The following GALNT13 variants were observed in gnomAD, a reference collection of about 807,000 sequenced individuals.
GALNT13 encodes the protein UDP-GalNAc:polypeptide N-acetylgalactosaminyltransferase 13.
GALNT13 carries 28 observed loss-of-function variants against 64.2 expected under a neutral mutation model. The ratio of observed to expected loss-of-function variants is 0.44; its 90% CI spans 0.32 to 0.60. GALNT13 has a LOEUF of 0.60. GALNT13 is among the 20% of genes least tolerant of loss of function. The pLI, the probability that GALNT13 is intolerant of heterozygous loss-of-function variation, is 0.05. For synonymous variants in GALNT13, 214 were observed against 224.6 expected, an observed-to-expected ratio of 0.95 and a Z score of 0.42; for missense variants, 577 against 669.8, an observed-to-expected ratio of 0.86 and a Z score of 1.53.
chr2:154,191,663 T>TC (rs899020445), intron 4 of GALNT13, among the ~76,000 whole-genome samples: 1 of 152,110 alleles, frequency 6.6e-6, no homozygotes, highest in Non-Finnish European at 1.5e-5. Context: ...AGTTCCCTTA[T>TC]CCCCCTCACA....
rs78165164 is a variant in GALNT13 at position 153,894,124 on chromosome 2, G to A, written c.-176-6812G>A. On this transcript the variant is annotated intron_variant, in intron 1 of 12. Transcript: ENST00000392825. ...GGAGCTGTCATTGAACACTCTTCAC[G>A]TTGGCTGGTGACTGCTTGGAACAAT... Among the ~76,000 whole-genome samples, 328 of 152,072 alleles carry A rather than the reference G, an allele frequency of 2.2e-3. 12 individuals are homozygous for A. In the East Asian group the frequency reaches 0.059, roughly 27 times the overall value.
At chr2:153,205,068 A>G in the GALNT13 span, among the ~76,000 whole-genome samples, 1 of 152,150 alleles carries the variant, frequency 6.6e-6, no homozygotes, top group South Asian at 2.1e-4. Flanking sequence ...TTGAAGGGTC[A>G]TTCTGAAGGG....
chr2:153,900,089 C>T (rs1052411949), intron 1 of GALNT13, among the ~76,000 whole-genome samples: 4 of 151,656 alleles, frequency 2.6e-5, no homozygotes, highest in African/African-American at 9.7e-5. Context: ...GCACTCACTA[C>T]CATGCCTGGC....
At chr2:154,406,389 A>G (rs1158549312) in intron 10 of GALNT13, among the ~76,000 whole-genome samples, 1 of 152,088 alleles carries the variant, frequency 6.6e-6, no homozygotes, top group Non-Finnish European at 1.5e-5. Flanking sequence ...CTATTATACC[A>G]TGCCTATGCT....
At chr2:153,911,176 C>G (rs1318010372) in intron 2 of GALNT13, among the ~76,000 whole-genome samples, 3 of 152,138 alleles carry the variant, frequency 2.0e-5, no homozygotes, top group African/African-American at 7.2e-5. Context: ...ATGTAATGCC[C>G]TCTTTTGATC....
At chr2:153,741,655 C>A in the GALNT13 span, among the ~76,000 whole-genome samples, 1 of 151,884 alleles carries the variant, frequency 6.6e-6, no homozygotes, top group African/African-American at 2.4e-5. Context: ...CTACTGTATA[C>A]CACTTGTATT....
chr2:154,060,177 G>A (rs1186894295), intron 3 of GALNT13, among the ~76,000 whole-genome samples: 1 of 152,042 alleles, frequency 6.6e-6, no homozygotes, highest in Non-Finnish European at 1.5e-5. Flanking sequence ...CTAGCTCCTT[G>A]ATCGTGGATT....
the GALNT13 span, among the ~76,000 whole-genome samples, chr2:153,097,343 T>C: frequency 1.3e-5 from 2 of 152,198 alleles, no homozygotes; most frequent in Non-Finnish European, 2.9e-5. Context: ...TCTGTGTACT[T>C]ACTATTACCA....
At chr2:153,337,309 C>T in the GALNT13 span, among the ~76,000 whole-genome samples, 1 of 152,210 alleles carries the variant, frequency 6.6e-6, no homozygotes, top group African/African-American at 2.4e-5. Context: ...ATTGCTCATT[C>T]TTTTCCAGCT....
chr2:153,849,460 TA>T, the GALNT13 span, among the ~76,000 whole-genome samples: 5 of 152,308 alleles, frequency 3.3e-5, no homozygotes, highest in African/African-American at 1.2e-4. Flanking sequence ...TAAAAAGAAT[TA>T]AAATTCTACT....
intron 2 of GALNT13, among the ~76,000 whole-genome samples, chr2:153,904,529 T>TTTGG (rs1430637445): frequency 5.9e-5 from 9 of 151,836 alleles, no homozygotes; most frequent in Non-Finnish European, 1.2e-4. Flanking sequence ...CTGGTGAGAG[T>TTTGG]TTGGTTTACA....
At chr2:153,381,743 T>C in the GALNT13 span, among the ~76,000 whole-genome samples, 1 of 152,090 alleles carries the variant, frequency 6.6e-6, no homozygotes, top group African/African-American at 2.4e-5. Context: ...CTTAAAAATG[T>C]CTAAGAATAT....
chr2:153,899,640 G>C (rs754709472), intron 1 of GALNT13, among the ~76,000 whole-genome samples: 50 of 151,970 alleles, frequency 3.3e-4, no homozygotes, highest in Non-Finnish European at 5.3e-4. Context: ...AGATAAATTA[G>C]ATTTTATATT....
intron 2 of GALNT13, among the ~76,000 whole-genome samples, chr2:153,935,998 A>G (rs946513726): frequency 1.3e-5 from 2 of 152,226 alleles, no homozygotes; most frequent in African/African-American, 4.8e-5. Context: ...CAAGTGGAAC[A>G]GAGACATTTT....
chr2:153,586,229 A>G, the GALNT13 span, among the ~76,000 whole-genome samples: 1 of 152,208 alleles, frequency 6.6e-6, no homozygotes, highest in Non-Finnish European at 1.5e-5. Context: ...AATGGATTAA[A>G]TGCATCACTT....
chr2:154,373,053 G>C (rs987287062), intron 9 of GALNT13, among the ~76,000 whole-genome samples: 1 of 152,018 alleles, frequency 6.6e-6, no homozygotes, highest in Admixed American at 6.5e-5. Context: ...GTTTTAAAAA[G>C]TCAAAATATT....
the GALNT13 span, among the ~76,000 whole-genome samples, chr2:153,242,998 T>C: frequency 1.3e-5 from 2 of 152,244 alleles, no homozygotes; most frequent in Admixed American, 6.5e-5. Flanking sequence ...GAGTTTTCAG[T>C]CTTGGTGTGT....
At chr2:153,595,042 A>G in the GALNT13 span, among the ~76,000 whole-genome samples, 25 of 152,262 alleles carry the variant, frequency 1.6e-4, no homozygotes, top group African/African-American at 5.8e-4. Context: ...TTGGATCCAT[A>G]AGAAATACAA....
the GALNT13 span, among the ~76,000 whole-genome samples, chr2:153,709,325 G>A: frequency 6.6e-6 from 1 of 151,348 alleles, no homozygotes; most frequent in Non-Finnish European, 1.5e-5. Flanking sequence ...CTAAAAGAAG[G>A]GCAAAAGACA....
Sources: allele counts gnomAD v4.1 joint callset (sites outside exome capture counted in the v4.1 genomes callset), GRCh38; gene constraint gnomAD v4.1.1; transcripts MANE v1.5; gene names NCBI Gene and HGNC (gene_info 2026-07-23, HGNC 2026-07-21).